The following ADAM28 variants were observed in gnomAD, a reference collection of about 807,000 sequenced individuals.
The protein encoded by ADAM28 is disintegrin and metalloproteinase domain-containing protein 28.
ADAM28 carries 105 observed loss-of-function variants against 101.2 expected under a neutral mutation model. That is an observed-to-expected ratio of 1.04 (90% CI 0.89 to 1.22). The LOEUF is 1.22. ADAM28 is among the 50% of genes most tolerant of loss of function. ADAM28 has a pLI of 0.00. For synonymous variants in ADAM28, 322 were observed against 310.6 expected (o/e 1.04, Z -0.39); for missense variants, 1,028 against 945.4 (o/e 1.09, Z -1.15).
intron 2 of ADAM28, 137 bp from the exon 3 acceptor site, chr8:24,309,757 C>T (rs1021916520): frequency 2.0e-5 from 12 of 613,890 alleles, no homozygotes; most frequent in African/African-American, 3.8e-5. Context: ...TTTGATCTGT[C>T]AAGAGGGGAA....
In ADAM28 at chr8:24,352,031, CA is replaced by C; in HGVS notation, c.2225del (p.Asn742MetfsTer81). 1 of 1,613,718 alleles carries C rather than the reference CA, an allele frequency of 6.2e-7. No individual in the cohort carries two copies. Among genetic ancestry groups the C allele is most frequent in the South Asian group, 1.1e-5 (1 of 91,078 alleles). ...PHVYDLPVEG[N>X]EPPASFHKDT... is the part of the protein sequence containing the mutation. ...ATGTGTATGATCTGCCAGTAGAAGG[CA>C]ATGAGCCCCCAGCCTCTTTTGTGAG... On this transcript the variant is annotated frameshift_variant, in exon 21 of 23. Coordinates refer to ENST00000265769, the MANE Select transcript of ADAM28 (RefSeq NM_014265.6). LOFTEE classifies it high-confidence loss of function.
chr8:24,301,384 G>T (rs537284274), intron 2 of ADAM28, among the ~76,000 whole-genome samples: 2 of 151,822 alleles, frequency 1.3e-5, no homozygotes, highest in Admixed American at 1.3e-4. Context: ...TTATTATCTG[G>T]GTGACAAAGT....
chr8:24,321,233 G>C lies in ADAM28; in HGVS notation c.664G>C (p.Glu222Gln), dbSNP rs1215121737. The change falls in exon 8 of 23, where the codon GAG (glutamate) becomes CAG (glutamine). Residue 222 changes from glutamate to glutamine, a missense_variant. Glu to Gln is a conservative substitution (Grantham distance 29, BLOSUM62 2). Transcript: ENST00000265769. ...LDNGEFKRYNENQDEIRKRVF... is the reference protein window; with the variant it reads ...LDNGEFKRYNQNQDEIRKRVF... ...TTTCTTTTAGTTTAAAAGGTACAAT[G>C]AGAATCAAGATGAGATCAGAAAGAG... 6.2e-7 allele frequency: 1 copy of C among 1,603,828 alleles called. No homozygotes were observed. Among genetic ancestry groups the C allele is most frequent in the Non-Finnish European group, 8.5e-7 (1 of 1,171,430 alleles).
At chr8:24,309,273 C>T (rs1810114592) in intron 2 of ADAM28, among the ~76,000 whole-genome samples, 1 of 152,252 alleles carries the variant, frequency 6.6e-6, no homozygotes, top group Non-Finnish European at 1.5e-5. Context: ...TTACAGTATA[C>T]ATTCCTGTTA....
rs144018592 is a variant in ADAM28, at chr8:24,311,408, C to T, written c.354C>T (p.Asp118=). The T allele has an allele frequency of 5.6e-5, 90 of 1,613,014 alleles. No individual in the cohort carries two copies. Among genetic ancestry groups the T allele is most frequent in the Middle Eastern group, 1.7e-4 (1 of 6,046 alleles). Residue 118 remains aspartate, a synonymous_variant, in exon 5 of 23, where the codon GAC becomes GAT. Coordinates refer to ENST00000265769, the MANE Select transcript of ADAM28 (RefSeq NM_014265.6). ...QGHILNEKVS[D]ASISTCRGLR... ...ATATTCTTAATGAAAAGGTTTCTGA[C>T]GCTAGCATCAGCACATGTAGGGGTC... is the stretch of plus-strand genomic sequence containing the variant.
In ADAM28 at chr8:24,323,853, C is replaced by T; in HGVS notation, c.740C>T (p.Thr247Ile). The T allele has an allele frequency of 1.9e-6, 3 of 1,611,338 alleles. No homozygotes were observed. The highest frequency in any genetic ancestry group is 1.7e-6 in the Non-Finnish European group (2 of 1,178,340). Residue 247 changes from threonine (T) to isoleucine (I), a missense_variant, in exon 9 of 23, where the codon ACT becomes ATT. By Grantham distance (89) the Thr-to-Ile change is moderately conservative. Transcript: ENST00000265769. ...GGACAGCTTTATAAAAAGCTCAATA[C>T]TCATGTGGCCTTAGTTGGTATGGAA... ...YVNMLYKKLN[T>I]HVALVGMEIW...
chr8:24,320,262 A>C lies in ADAM28; in HGVS notation c.603A>C (p.Glu201Asp), dbSNP rs199883797. ...AATTGAAAGACAGGAAGGTTCAGGA[A>C]CATGAGAAATACATAGAATATTATT... ...LVKLKDRKVQ[E>D]HEKYIEYYLV... Residue 201 changes from glutamate (E) to aspartate (D), a missense_variant, in exon 7 of 23, where the codon GAA (glutamate) becomes GAC (aspartate). Physicochemically the swap from Glu to Asp is conservative, Grantham distance 45. Transcript: ENST00000265769. 218 of 1,601,934 alleles carry C rather than the reference A, an allele frequency of 1.4e-4. No homozygotes were observed. In the Middle Eastern group the frequency reaches 2.8e-3, roughly 21 times the overall value.
At chr8:24,345,268 T>C (rs913941440) in intron 18 of ADAM28, among the ~76,000 whole-genome samples, 13 of 152,048 alleles carry the variant, frequency 8.5e-5, no homozygotes, top group African/African-American at 3.1e-4. Flanking sequence ...GTTTCTGTTG[T>C]TCTAGGTTTT....
chr8:24,341,841 T>C (rs62498243), intron 16 of ADAM28, 84 bp downstream of exon 16: 253,022 of 1,560,318 alleles, frequency 0.16, 22,289 homozygotes, highest in East Asian at 0.37. Context: ...TTATTCACTA[T>C]GTGCCTTGTT....
intron 18 of ADAM28, among the ~76,000 whole-genome samples, chr8:24,344,407 C>T (rs1014022320): frequency 1.3e-5 from 2 of 152,100 alleles, no homozygotes; most frequent in African/African-American, 4.8e-5. Flanking sequence ...CCTCTGTTTG[C>T]AGAAACGGAG....
intron 19 of ADAM28, among the ~76,000 whole-genome samples, chr8:24,350,561 T>G (rs553461949): frequency 7.2e-5 from 11 of 152,284 alleles, no homozygotes; most frequent in Non-Finnish European, 1.6e-4. Context: ...TCCACCCACT[T>G]TGGCTTCCCT....
chr8:24,343,207 A>G (rs1814995839), intron 17 of ADAM28, 26 bp downstream of exon 17: 1 of 1,605,854 alleles, frequency 6.2e-7, no homozygotes. Flanking sequence ...ATGTTTCCCT[A>G]AGCTCTCTGA....
At chr8:24,329,961 C>A (rs1393640195) in intron 10 of ADAM28, 24 bp from the exon 11 acceptor site, 1 of 1,589,546 alleles carries the variant, frequency 6.3e-7, no homozygotes, top group African/African-American at 1.4e-5. Context: ...ATCAGAGAAT[C>A]TTTTTCTTCT....
intron 1 of ADAM28, among the ~76,000 whole-genome samples, chr8:24,299,313 C>T (rs1808391934): frequency 1.3e-5 from 2 of 152,158 alleles, no homozygotes; most frequent in Admixed American, 1.3e-4. Flanking sequence ...TCAAAAAAGT[C>T]CTTCCAGGCC....
intron 1 of ADAM28, 151 bp downstream of exon 1, chr8:24,294,346 G>A (rs931504700): frequency 1.0e-5 from 9 of 870,414 alleles, no homozygotes; most frequent in Non-Finnish European, 1.2e-5. Context: ...GTTTTAACCT[G>A]TTGTTTGGGG....
chr8:24,352,676 A>G (rs771694892), intron 21 of ADAM28, among the ~76,000 whole-genome samples: 1 of 152,180 alleles, frequency 6.6e-6, no homozygotes, highest in African/African-American at 2.4e-5. Flanking sequence ...ATACCTATTG[A>G]CATTGGACTT....
chr8:24,325,891 A>AACAAACAAAC (rs1563297048), intron 9 of ADAM28, among the ~76,000 whole-genome samples: 59 of 144,298 alleles, frequency 4.1e-4, no homozygotes, highest in South Asian at 2.9e-3. Context: ...AAAAAAAAAA[A>AACAAACAAAC]AAAAAAAAAC....
At chr8:24,343,236 T>G (rs1368798052) in intron 17 of ADAM28, 55 bp downstream of exon 17, 2 of 1,574,802 alleles carry the variant, frequency 1.3e-6, no homozygotes, top group Non-Finnish European at 1.7e-6. Context: ...ACATTCTAGG[T>G]CAGTCATAAG....
chr8:24,340,108 T>C (rs970589982), intron 15 of ADAM28, among the ~76,000 whole-genome samples: 6 of 152,216 alleles, frequency 3.9e-5, no homozygotes, highest in East Asian at 3.8e-4. Flanking sequence ...GAAAACACTA[T>C]AGAACAGCAC....
Sources: allele counts gnomAD v4.1 joint callset (sites outside exome capture counted in the v4.1 genomes callset), GRCh38; gene constraint gnomAD v4.1.1; transcripts MANE v1.5; gene names NCBI Gene and HGNC (gene_info 2026-07-23, HGNC 2026-07-21).